CSE1L: variants seen among roughly 807,000 people sequenced by gnomAD.
CSE1L encodes the protein exportin-2.
A neutral mutation model predicts 120.4 loss-of-function variants in CSE1L; 24 were observed. That is an observed-to-expected ratio of 0.20 (90% confidence interval 0.14 to 0.28). The LOEUF is 0.28. Among genes scored for constraint, CSE1L ranks in the 10% least tolerant of loss-of-function variants. The pLI is 1.00. For missense variants in CSE1L, 830 were observed against 1,145.2 expected, an observed-to-expected ratio of 0.72 and a Z score of 3.97; for synonymous variants, 402 against 398.3, an observed-to-expected ratio of 1.01 and a Z score of -0.11.
chr20:49,068,317 G>A (rs1029338237), intron 6 of CSE1L, among the ~76,000 whole-genome samples: 2 of 152,150 alleles, frequency 1.3e-5, no homozygotes, highest in South Asian at 2.1e-4. Flanking sequence ...GGCTGGGCAT[G>A]GTGGCTCACG....
chr20:49,077,153 C>CT (rs11439721), intron 13 of CSE1L, 89 bp downstream of exon 13: 147,227 of 400,254 alleles, frequency 0.37, 15,657 homozygotes, highest in African/African-American at 0.61. Flanking sequence ...CCCTTTTGTT[C>CT]TTTTTTTTTT....
rs1331056255 is a variant in CSE1L, at chr20:49,067,248, G to T, written c.535G>T (p.Ala179Ser). Residue 179 changes from alanine (A) to serine (S), a missense_variant, in exon 6 of 25, where the codon GCC becomes TCC. Physicochemically the swap from Ala to Ser is moderately conservative, Grantham distance 99. Around this residue, in one of 4 missense-constraint regions of CSE1L, gnomAD observed 543 missense variants for 640.2 expected, o/e 0.85. Coordinates refer to ENST00000262982, the MANE Select transcript of CSE1L (RefSeq NM_001316.4). Reference sequence around the variant, plus strand: ...GACTGAAATTAAGCTTGTTCTGGATGCCTTTGCTTTGCCTTTGACTAATCT... The same window carrying T: ...GACTGAAATTAAGCTTGTTCTGGATTCCTTTGCTTTGCCTTTGACTAATCT... ...LWTEIKLVLD[A>S]FALPLTNLFK... 6.2e-7 allele frequency: 1 copy of T among 1,611,132 alleles called. No individual in the cohort carries two copies. Among genetic ancestry groups the T allele is most frequent in the South Asian group, 1.1e-5 (1 of 90,606 alleles).
At chr20:49,095,663 C>T (rs2092133824) in intron 24 of CSE1L, among the ~76,000 whole-genome samples, 1 of 151,686 alleles carries the variant, frequency 6.6e-6, no homozygotes, top group Admixed American at 6.6e-5. Flanking sequence ...ATGGCATAAA[C>T]CTAATAATGA....
intron 13 of CSE1L, among the ~76,000 whole-genome samples, chr20:49,078,014 ATT>A (rs2091982630): frequency 6.6e-6 from 1 of 152,128 alleles, no homozygotes; most frequent in African/African-American, 2.4e-5. Context: ...AAAAAAAAAA[ATT>A]AAGGATAGTT....
chr20:49,094,693 T>C (rs772690117), intron 23 of CSE1L, 39 bp from the exon 24 acceptor site: 2 of 1,434,916 alleles, frequency 1.4e-6, no homozygotes, highest in South Asian at 1.2e-5. Flanking sequence ...TTCCGAGTAT[T>C]TTCTTGACCT....
At chr20:49,048,253 T>C (rs2091737702) in intron 1 of CSE1L, among the ~76,000 whole-genome samples, 1 of 151,548 alleles carries the variant, frequency 6.6e-6, no homozygotes, top group Non-Finnish European at 1.5e-5. Context: ...GCAAGGGAAG[T>C]CTCTCTCCCC....
At chr20:49,054,487 AAG>A (rs766372936) in intron 1 of CSE1L, among the ~76,000 whole-genome samples, 3 of 152,326 alleles carry the variant, frequency 2.0e-5, no homozygotes, top group Non-Finnish European at 4.4e-5. Flanking sequence ...GGGTAATAGA[AAG>A]AGGGTAGACC....
At chr20:49,049,938 G>C (rs1207317860) in intron 1 of CSE1L, among the ~76,000 whole-genome samples, 1 of 152,082 alleles carries the variant, frequency 6.6e-6, no homozygotes, top group Non-Finnish European at 1.5e-5. Context: ...GAAGTAGGAG[G>C]ATGGCTTGAG....
chr20:49,054,366 A>G (rs949406146), intron 1 of CSE1L, among the ~76,000 whole-genome samples: 6 of 152,122 alleles, frequency 3.9e-5, no homozygotes, highest in African/African-American at 9.7e-5. Flanking sequence ...CTGGCTCCCC[A>G]CCGCTCAGTT....
At chr20:49,094,702 C>G in intron 23 of CSE1L, 30 bp from the exon 24 acceptor site, 1 of 1,504,460 alleles carries the variant, frequency 6.6e-7, no homozygotes, top group Non-Finnish European at 9.2e-7. Context: ...TTTTCTTGAC[C>G]TTTTTATCTC....
chr20:49,087,977 CTA>C (rs759198181), intron 16 of CSE1L, 30 bp from the exon 17 acceptor site: 35 of 1,407,824 alleles, frequency 2.5e-5, no homozygotes, highest in African/African-American at 7.2e-5. Context: ...TAACTAAACT[CTA>C]TTTGTTTTTG....
At chr20:49,074,977 C>CTGT in intron 11 of CSE1L, 127 bp downstream of exon 11, 1 of 656,288 alleles carries the variant, frequency 1.5e-6, no homozygotes, top group Non-Finnish European at 2.6e-6. Context: ...TCATTGAGAA[C>CTGT]TGTTGTCTTT....
At chr20:49,082,982 C>G (rs1855397823) in intron 14 of CSE1L, among the ~76,000 whole-genome samples, 1 of 151,758 alleles carries the variant, frequency 6.6e-6, no homozygotes, top group Non-Finnish European at 1.5e-5. Flanking sequence ...ACCGTACCCA[C>G]CTACATCATG....
intron 1 of CSE1L, among the ~76,000 whole-genome samples, chr20:49,056,347 AC>A (rs984417488): frequency 1.3e-5 from 2 of 151,922 alleles, no homozygotes; most frequent in African/African-American, 4.8e-5. Flanking sequence ...CAGGTGATCC[AC>A]CCCCCTCAGC....
At chr20:49,049,466 C>T (rs2091748733) in intron 1 of CSE1L, among the ~76,000 whole-genome samples, 1 of 152,084 alleles carries the variant, frequency 6.6e-6, no homozygotes, top group Admixed American at 6.6e-5. Context: ...CAGGCATGAG[C>T]CACCCTACTT....
At chr20:49,077,783 A>G (rs1600617063) in intron 13 of CSE1L, among the ~76,000 whole-genome samples, 1 of 152,048 alleles carries the variant, frequency 6.6e-6, no homozygotes. Context: ...AGGCGGGAGG[A>G]TCGTGAGGTC....
At chr20:49,062,850 A>G (rs1167184893) in intron 2 of CSE1L, among the ~76,000 whole-genome samples, 1 of 151,932 alleles carries the variant, frequency 6.6e-6, no homozygotes, top group African/African-American at 2.4e-5. Flanking sequence ...AATAGTACTA[A>G]TAATACTCCT....
At chr20:49,056,497 A>G (rs1263866195) in intron 1 of CSE1L, among the ~76,000 whole-genome samples, 1 of 152,218 alleles carries the variant, frequency 6.6e-6, no homozygotes, top group African/African-American at 2.4e-5. Context: ...TATGTAGATT[A>G]TGCATGTGTC....
chr20:49,094,269 T>C lies in CSE1L; in HGVS notation c.2577T>C (p.Thr859=). ...LLTECPPMMD[T]EYTKLWTPLL... ...CAGAATGTCCCCCAATGATGGACACTGAGTATACCAAACTGTGGTAAGTAC... is the reference window on the plus strand; with the variant it reads ...CAGAATGTCCCCCAATGATGGACACCGAGTATACCAAACTGTGGTAAGTAC... Residue 859 remains threonine, a synonymous_variant, in exon 23 of 25, where the codon ACT becomes ACC. Transcript: ENST00000262982. 2 of 1,612,130 alleles carry C rather than the reference T, an allele frequency of 1.2e-6. No individual in the cohort carries two copies. Among genetic ancestry groups the C allele is most frequent in the Non-Finnish European group, 1.7e-6 (2 of 1,179,490 alleles).
Sources: allele counts gnomAD v4.1 joint callset (sites outside exome capture counted in the v4.1 genomes callset), GRCh38; gene constraint gnomAD v4.1.1; regional missense constraint gnomAD v4.1.1; transcripts MANE v1.5; gene names NCBI Gene and HGNC (gene_info 2026-07-23, HGNC 2026-07-21).